Variants in ZNF248 observed in about 807,000 individuals in gnomAD.
The protein encoded by ZNF248 is zinc finger protein 248, also known as KRAB protein domain.
In ZNF248, 20 loss-of-function variants were observed where a neutral mutation model predicts 44.3. The observed-to-expected ratio is 0.45, with a 90% CI of 0.32 to 0.66. The LOEUF is 0.66. Among genes scored for constraint, ZNF248 ranks in the 30% least tolerant of loss-of-function variants. The probability of loss-of-function intolerance (pLI) is 0.04; values close to 1 mark genes in which losing one functional copy is unlikely to be tolerated. For synonymous variants in ZNF248, 224 were observed against 229.0 expected, an observed-to-expected ratio of 0.98 and a Z score of 0.20; for missense variants, 654 against 677.0, an observed-to-expected ratio of 0.97 and a Z score of 0.38.
At position 37,819,598 on chromosome 10, in the gene ZNF248, T is replaced by C. The variant is rs377227677; in HGVS notation, c.330+13427A>G. On this transcript the variant is annotated intron_variant, in intron 6 of 6. Coordinates refer to the ZNF248 transcript ENST00000615949. ...AGTTATCTTCATTATGTATCCTTTT[T>C]AGTTCCCCGATACGTAGATTTCTAA... The C allele has an allele frequency of 1.3e-5, 11 of 846,740 alleles. No homozygotes were observed. In the East Asian group the frequency reaches 1.7e-4, roughly 13 times the overall value. The allele number at this position is 846,740 out of a possible 1,614,324, so 52.5% of individuals were successfully genotyped here.
chr10:37,759,861 G>A, the ZNF248 span, among the ~76,000 whole-genome samples: 7 of 152,114 alleles, frequency 4.6e-5, no homozygotes, highest in South Asian at 2.1e-4. Context: ...GAGATGCATC[G>A]GTGTCCAGAT....
chr10:37,772,965 T>C (rs1047391191), downstream of ZNF248, among the ~76,000 whole-genome samples: 1 of 152,002 alleles, frequency 6.6e-6, no homozygotes, highest in African/African-American at 2.4e-5. Context: ...TATGTACCAA[T>C]ATGAACTGAA....
intron 3 of ZNF248, among the ~76,000 whole-genome samples, chr10:37,855,214 A>C (rs2061062349): frequency 6.6e-6 from 1 of 152,224 alleles, no homozygotes; most frequent in Non-Finnish European, 1.5e-5. Flanking sequence ...GGACTGTCCC[A>C]ATATATGCCA....
intron 5 of ZNF248, among the ~76,000 whole-genome samples, chr10:37,835,029 A>AAAAAG: frequency 6.6e-6 from 1 of 152,132 alleles, no homozygotes; most frequent in East Asian, 1.9e-4. Flanking sequence ...TTAAAACTAA[A>AAAAAG]AAAAGAAAAG....
chr10:37,776,155 G>T, downstream of ZNF248: 1 of 156,480 alleles, frequency 6.4e-6, no homozygotes, highest in Non-Finnish European at 1.4e-5. Flanking sequence ...ACTGAATGTG[G>T]GGCATGTTGG....
At chr10:37,819,275 C>G (rs2053073023) in intron 6 of ZNF248, 1 of 915,160 alleles carries the variant, frequency 1.1e-6, no homozygotes, top group Non-Finnish European at 1.8e-6. Context: ...TAGATCATTT[C>G]CCTCACAGTA....
intron 6 of ZNF248, among the ~76,000 whole-genome samples, chr10:37,801,786 C>T (rs991212771): frequency 2.0e-5 from 3 of 152,016 alleles, no homozygotes; most frequent in African/African-American, 7.3e-5. Context: ...ATGTGCAGTA[C>T]CACAGATGAA....
the ZNF248 span, among the ~76,000 whole-genome samples, chr10:37,762,135 A>G: frequency 6.6e-6 from 1 of 152,230 alleles, no homozygotes; most frequent in Non-Finnish European, 1.5e-5. Flanking sequence ...TTCTAGGTAG[A>G]CAATGAAACA....
In ZNF248 at chr10:37,832,475, C is replaced by T; in HGVS notation, c.880G>A (p.Asp294Asn). The change falls in exon 6 of 6, where the codon GAC (aspartate) becomes AAC (asparagine). Residue 294 changes from aspartate to asparagine, a missense_variant. Transcript: ENST00000395867. ...RFGHQRALTK[D>N]NPYEYNEYGE... ...TATTCATTATATTCATAAGGATTGT[C>T]CTTTGTAAGAGCTCTCTGATGTCCA... The T allele has an allele frequency of 6.2e-7, 1 of 1,613,914 alleles. No homozygotes were observed. The highest frequency in any genetic ancestry group is 1.3e-5 in the African/African-American group (1 of 75,022).
chr10:37,771,976 G>A (rs2046260746), downstream of ZNF248, among the ~76,000 whole-genome samples: 1 of 152,092 alleles, frequency 6.6e-6, no homozygotes, highest in South Asian at 2.1e-4. Context: ...ATGATTAAAA[G>A]GTAAAGGAGG....
downstream of ZNF248, among the ~76,000 whole-genome samples, chr10:37,828,015 A>C (rs2054657937): frequency 6.6e-6 from 1 of 152,208 alleles, no homozygotes; most frequent in African/African-American, 2.4e-5. Context: ...AGCAATTCTC[A>C]TCCTGGTTTA....
intron 6 of ZNF248, among the ~76,000 whole-genome samples, chr10:37,779,533 C>T (rs2047026065): frequency 6.6e-6 from 1 of 151,750 alleles, no homozygotes; most frequent in Non-Finnish European, 1.5e-5. Context: ...TAAGAGCTAT[C>T]TATGACAAAC....
At position 37,832,467 on chromosome 10, in the gene ZNF248, A is replaced by C; in HGVS notation, c.888T>G (p.Pro296=). The stretch of plus-strand genomic sequence containing the variant: ...TTTCCCCATATTCATTATATTCATA[A>C]GGATTGTCCTTTGTAAGAGCTCTCT... ...GHQRALTKDN[P]YEYNEYGEIF... The change falls in exon 6 of 6, where the codon CCT becomes CCG. Residue 296 remains proline (P), a synonymous_variant. Transcript: ENST00000395867. The C allele has an allele frequency of 6.2e-7, 1 of 1,613,970 alleles. No individual in the cohort carries two copies. The highest frequency in any genetic ancestry group is 8.5e-7 in the Non-Finnish European group (1 of 1,179,928).
downstream of ZNF248, among the ~76,000 whole-genome samples, chr10:37,824,673 A>AT (rs755411927): frequency 8.2e-4 from 65 of 79,710 alleles, 3 homozygotes; most frequent in South Asian, 3.9e-3. Flanking sequence ...ATTATTTTAA[A>AT]TTTTTTTTTT....
chr10:37,820,570 C>T, intron 6 of ZNF248: 1 of 1,601,360 alleles, frequency 6.2e-7, no homozygotes, highest in Non-Finnish European at 8.5e-7. Flanking sequence ...GCCCGCTTCC[C>T]CCAGCAAACT....
At chr10:37,778,125 T>C (rs1294137628) in intron 6 of ZNF248, among the ~76,000 whole-genome samples, 1 of 152,184 alleles carries the variant, frequency 6.6e-6, no homozygotes, top group African/African-American at 2.4e-5. Flanking sequence ...ACTTCCACAA[T>C]GGTTGAACTA....
At chr10:37,814,220 A>G (rs2052045935) in intron 6 of ZNF248, among the ~76,000 whole-genome samples, 1 of 152,118 alleles carries the variant, frequency 6.6e-6, no homozygotes, top group African/African-American at 2.4e-5. Context: ...CTAAAGTCAT[A>G]ACACTATAAA....
At chr10:37,760,547 T>C in the ZNF248 span, among the ~76,000 whole-genome samples, 1 of 152,118 alleles carries the variant, frequency 6.6e-6, no homozygotes, top group Non-Finnish European at 1.5e-5. Flanking sequence ...TTATTAAAAG[T>C]ATTATAGGCT....
intron 3 of ZNF248, among the ~76,000 whole-genome samples, chr10:37,851,707 T>G (rs2060256174): frequency 9.0e-6 from 1 of 111,578 alleles, no homozygotes. Context: ...AAAATACACA[T>G]GAAAAGATTT....
Sources: allele counts gnomAD v4.1 joint callset (sites outside exome capture counted in the v4.1 genomes callset), GRCh38; gene constraint gnomAD v4.1.1; transcripts MANE v1.5; gene names NCBI Gene and HGNC (gene_info 2026-07-23, HGNC 2026-07-21).